Variants in ERBB4 observed in about 807,000 individuals in gnomAD.
The protein encoded by ERBB4 is receptor tyrosine-protein kinase erbB-4.
Under a neutral mutation model 158.0 loss-of-function variants are expected in ERBB4, and 42 were observed. That is an observed-to-expected ratio of 0.27 (90% CI 0.21 to 0.34). The LOEUF is 0.34. Ranked by LOEUF, ERBB4 falls within the 10% of genes least tolerant of loss-of-function variation. ERBB4 has a pLI of 1.00. For missense variants in ERBB4, 1,333 were observed against 1,624.1 expected, an observed-to-expected ratio of 0.82 and a Z score of 3.08; for synonymous variants, 583 against 558.7, an observed-to-expected ratio of 1.04 and a Z score of -0.61.
At chr2:211,981,699 A>G (rs114524324) in intron 2 of ERBB4, among the ~76,000 whole-genome samples, 164 of 152,262 alleles carry the variant, frequency 1.1e-3, no homozygotes, top group Non-Finnish European at 1.7e-3. Flanking sequence ...ACACTTTTGT[A>G]CATACCAAAG....
At chr2:212,030,523 C>A (rs1434663457) in intron 2 of ERBB4, among the ~76,000 whole-genome samples, 1 of 152,102 alleles carries the variant, frequency 6.6e-6, no homozygotes, top group Admixed American at 6.6e-5. Flanking sequence ...ATCAAAGATT[C>A]AAGCACAAAT....
chr2:211,637,483 A>G (rs2070403803), intron 16 of ERBB4, among the ~76,000 whole-genome samples: 1 of 152,040 alleles, frequency 6.6e-6, no homozygotes, highest in Admixed American at 6.6e-5. Flanking sequence ...CTAGCAATGC[A>G]CTTATTTTCA....
chr2:212,044,142 G>A (rs942768693), intron 2 of ERBB4, among the ~76,000 whole-genome samples: 3 of 151,980 alleles, frequency 2.0e-5, no homozygotes, highest in Non-Finnish European at 4.4e-5. Context: ...AGTACTACAC[G>A]GTAGTGTCTC....
chr2:212,362,782 A>C (rs1302124818), intron 1 of ERBB4, among the ~76,000 whole-genome samples: 1 of 151,330 alleles, frequency 6.6e-6, no homozygotes, highest in Non-Finnish European at 1.5e-5. Context: ...AATTTAAAAC[A>C]CATATACAAT....
intron 2 of ERBB4, among the ~76,000 whole-genome samples, chr2:212,077,991 G>A (rs925114812): frequency 2.0e-5 from 3 of 151,878 alleles, no homozygotes; most frequent in African/African-American, 7.3e-5. Flanking sequence ...TCTTGACTAA[G>A]GCTAATATAA....
intron 16 of ERBB4, among the ~76,000 whole-genome samples, chr2:211,654,436 A>C (rs1559384947): frequency 6.6e-6 from 1 of 152,250 alleles, no homozygotes; most frequent in East Asian, 1.9e-4. Flanking sequence ...GAATTATTTT[A>C]AATTATTGTA....
chr2:211,411,911 T>C (rs188638519), intron 25 of ERBB4, among the ~76,000 whole-genome samples: 3 of 152,318 alleles, frequency 2.0e-5, no homozygotes, highest in Admixed American at 2.0e-4. Context: ...TGTATTTCAC[T>C]TGGTACAATG....
chr2:212,446,591 G>GGA lies in ERBB4; in HGVS notation c.82+91857_82+91858insTC, dbSNP rs2092355245. 1.1e-4 allele frequency among the ~76,000 whole-genome samples: 3 copies of GGA among 27,516 alleles called. 1 individual carries two copies. The highest frequency in any genetic ancestry group is 5.5e-4 in the African/African-American group (3 of 5,474). The allele number at this position is 27,516 out of a possible 152,430, so 18.1% of individuals were successfully genotyped here. ...TTAATAAACTCCCATATATATATAT[G>GGA]TATATATATATATATATATATATAT... On this transcript the variant is annotated intron_variant, in intron 1 of 27. Transcript: ENST00000342788.
At chr2:212,435,625 G>A (rs1194574265) in intron 1 of ERBB4, among the ~76,000 whole-genome samples, 2 of 151,832 alleles carry the variant, frequency 1.3e-5, no homozygotes, top group Non-Finnish European at 2.9e-5. Flanking sequence ...CATTAATAAA[G>A]CCAATGATAA....
intron 3 of ERBB4, among the ~76,000 whole-genome samples, chr2:211,822,972 G>C (rs2077026030): frequency 6.6e-6 from 1 of 152,058 alleles, no homozygotes; most frequent in Admixed American, 6.6e-5. Context: ...TTTATGGACT[G>C]TACCATCATC....
At chr2:211,622,309 T>C (rs1259755913) in intron 18 of ERBB4, among the ~76,000 whole-genome samples, 2 of 152,288 alleles carry the variant, frequency 1.3e-5, no homozygotes, top group Admixed American at 6.5e-5. Flanking sequence ...TTTGAACATA[T>C]ACAAATCTGA....
intron 4 of ERBB4, chr2:211,777,315 T>C (rs2075905472): frequency 6.6e-6 from 1 of 152,146 alleles, no homozygotes; most frequent in African/African-American, 2.4e-5. Flanking sequence ...TTATAGTGGG[T>C]GGTTGAGGGG....
At chr2:211,841,404 C>A (rs1384982443) in intron 3 of ERBB4, among the ~76,000 whole-genome samples, 4 of 151,840 alleles carry the variant, frequency 2.6e-5, no homozygotes, top group Non-Finnish European at 4.4e-5. Flanking sequence ...AAATATTGTG[C>A]CTGACAATAA....
rs1304821506 is a variant in ERBB4 at position 211,382,597 on chromosome 2, A to G, written c.*1018T>C. On this transcript the variant is annotated 3_prime_UTR_variant, in exon 28 of 28. Transcript: ENST00000342788. ...AATCCAGTGTGTTTCTTCCAGTTCA[A>G]TGGATTCCCTCATTGGGCCACCCCT... The G allele has an allele frequency of 1.7e-5, 4 of 232,952 alleles. No homozygotes were observed. Among genetic ancestry groups the G allele is most frequent in the Admixed American group, 1.7e-4 (3 of 17,750 alleles). The allele number at this position is 232,952 out of a possible 1,614,324, so 14.4% of individuals were successfully genotyped here.
chr2:212,269,807 A>G (rs1335391206), intron 1 of ERBB4, among the ~76,000 whole-genome samples: 2 of 151,756 alleles, frequency 1.3e-5, no homozygotes, highest in Non-Finnish European at 2.9e-5. Flanking sequence ...TTGAGTGTTC[A>G]CTGATTGATA....
intron 3 of ERBB4, among the ~76,000 whole-genome samples, chr2:211,880,740 T>C (rs1408694909): frequency 1.3e-5 from 2 of 152,178 alleles, no homozygotes; most frequent in East Asian, 3.9e-4. Context: ...AAATCATTGA[T>C]GCTTTACAAA....
At chr2:211,800,151 T>C (rs2076467564) in intron 3 of ERBB4, among the ~76,000 whole-genome samples, 1 of 152,156 alleles carries the variant, frequency 6.6e-6, no homozygotes. Flanking sequence ...CATGCATAGT[T>C]GGGGATCAGA....
Position 212,124,865 on chromosome 2 carries a change from CAG to C in ERBB4, c.119_120del (p.Ser40Ter), listed in dbSNP as rs1553563398. The C allele has an allele frequency of 6.2e-7, 1 of 1,614,140 alleles. No homozygotes were observed. Among genetic ancestry groups the C allele is most frequent in the Non-Finnish European group, 8.5e-7 (1 of 1,180,010 alleles). ...AGTENKLSSL[S>X]DLEQQYRALR... Reference sequence around the variant, plus strand: ...AAGGCTCGGTACTGCTGTTCCAGGTCAGAGAGAGAGCTCAGTTTATTCTCCGT... The same window carrying C: ...AAGGCTCGGTACTGCTGTTCCAGGTCAGAGAGAGCTCAGTTTATTCTCCGT... On this transcript the variant is annotated frameshift_variant, in exon 2 of 28. Transcript: ENST00000342788. LOFTEE classifies it high-confidence loss of function.
At chr2:211,698,040 G>A (rs1362500479) in intron 12 of ERBB4, among the ~76,000 whole-genome samples, 4 of 152,188 alleles carry the variant, frequency 2.6e-5, no homozygotes, top group African/African-American at 9.6e-5. Context: ...AGGAAGGTCA[G>A]GCATGGTGGC....
Sources: gnomAD v4.1 joint callset for allele counts (sites outside exome capture counted in the v4.1 genomes callset) on GRCh38, gnomAD v4.1.1 for gene constraint, MANE v1.5 for transcripts, NCBI Gene and HGNC (gene_info 2026-07-23, HGNC 2026-07-21) for gene names.